The following CASK variants were observed in gnomAD, a reference collection of about 807,000 sequenced individuals.
The protein encoded by CASK is calcium/calmodulin dependent serine protein kinase, also known as peripheral plasma membrane protein CASK.
CASK carries 4 observed loss-of-function variants against 82.9 expected under a neutral mutation model. The ratio of observed to expected loss-of-function variants is 0.05; its 90% CI spans 0.02 to 0.11. The LOEUF (loss-of-function observed/expected upper bound fraction) is 0.11, where lower values mean the gene tolerates loss of function less well. CASK is among the 10% of genes least tolerant of loss of function. The pLI is 1.00. For missense variants in CASK, 358 were observed against 720.9 expected (o/e 0.50, Z 5.76); for synonymous variants, 259 against 253.5 (o/e 1.02, Z -0.20).
At chrX:41,696,122 G>A in intron 5 of CASK, 1 of 1,207,164 alleles carries the variant, frequency 8.3e-7, no homozygotes, top group Non-Finnish European at 1.1e-6. Context: ...TACAGCAACG[G>A]AAGGCAATAA....
chrX:41,788,964 GA>G (rs1389841862), intron 2 of CASK, among the ~76,000 whole-genome samples: 1 of 111,545 alleles, frequency 9.0e-6, no homozygotes, highest in African/African-American at 3.3e-5. Flanking sequence ...TGGAGAAACT[GA>G]GGCTTAGAAA....
At chrX:41,608,319 T>C (rs1338547411) in intron 12 of CASK, among the ~76,000 whole-genome samples, 1 of 112,372 alleles carries the variant, frequency 8.9e-6, no homozygotes, top group African/African-American at 3.2e-5. Context: ...CTAAAGAATG[T>C]AGCATTTCCC....
intron 1 of CASK, among the ~76,000 whole-genome samples, chrX:41,862,099 G>C (rs1367531399): frequency 1.8e-5 from 2 of 109,479 alleles, no homozygotes; most frequent in African/African-American, 6.6e-5. Context: ...ATGGTACTGA[G>C]AGAAGGCCTC....
At chrX:41,776,683 A>G (rs1166716605) in intron 3 of CASK, among the ~76,000 whole-genome samples, 1 of 112,269 alleles carries the variant, frequency 8.9e-6, no homozygotes, top group Non-Finnish European at 1.9e-5. Flanking sequence ...CTTACCCTAA[A>G]AACAAAATAC....
rs998943263 is a variant in CASK at position 41,553,562 on chromosome X, T to C, written c.2039+157A>G. Among the ~76,000 whole-genome samples, 3 of 111,236 alleles carry C rather than the reference T, an allele frequency of 2.7e-5. No individual in the cohort carries two copies. The Admixed American group carries it at 2.9e-4, about 11-fold the overall frequency. Reference sequence around the variant, plus strand: ...AGGATCTCACTAGATACTGAAGATATAGAATTCTTGGATGACTAATTTAAA... The same window carrying C: ...AGGATCTCACTAGATACTGAAGATACAGAATTCTTGGATGACTAATTTAAA... On this transcript the variant is annotated intron_variant, in intron 21 of 26. Coordinates refer to ENST00000378163, the MANE Select transcript of CASK (RefSeq NM_001367721.1).
At chrX:41,713,824 A>C (rs2068020768) in intron 5 of CASK, among the ~76,000 whole-genome samples, 1 of 111,682 alleles carries the variant, frequency 9.0e-6, no homozygotes. Context: ...GGGATGAATA[A>C]AGTGGAAATC....
In CASK at chrX:41,534,906, T is replaced by C; in HGVS notation, c.2223A>G (p.Thr741=). ...AATCAAACTTACCTAATAAGACTAG[T>C]GTTTTCCTCTTGAATGCTGGCAGTT... The part of the protein sequence containing the change: ...VVKLPAFKRK[T]LVLLGAHGVG... The change falls in exon 23 of 27, where the codon ACA becomes ACG. Residue 741 remains threonine, a synonymous_variant. Transcript: ENST00000378163. The C allele has an allele frequency of 8.4e-7, 1 of 1,193,160 alleles. No homozygotes were observed. Among genetic ancestry groups the C allele is most frequent in the Non-Finnish European group, 1.1e-6 (1 of 878,684 alleles).
intron 1 of CASK, among the ~76,000 whole-genome samples, chrX:41,892,207 A>C (rs965421987): frequency 8.1e-5 from 9 of 110,453 alleles, no homozygotes; most frequent in African/African-American, 3.0e-4. Flanking sequence ...AAAGACACAA[A>C]ATAGTTCAAC....
chrX:41,788,158 CA>C (rs372992298), intron 2 of CASK, among the ~76,000 whole-genome samples: 4,945 of 41,973 alleles, frequency 0.12, 144 homozygotes, highest in Non-Finnish European at 0.16. Context: ...AACTCTGTCT[CA>C]AAAAAAAAAA....
At chrX:41,690,325 A>C (rs1051649577) in intron 5 of CASK, among the ~76,000 whole-genome samples, 1 of 93,215 alleles carries the variant, frequency 1.1e-5, no homozygotes, top group Non-Finnish European at 2.1e-5. Context: ...TTAAAACAGA[A>C]TGTAATTGTG....
chrX:41,741,267 T>C (rs1293426502), intron 4 of CASK, among the ~76,000 whole-genome samples: 3 of 111,969 alleles, frequency 2.7e-5, no homozygotes, highest in Non-Finnish European at 1.9e-5. Flanking sequence ...TGTAACCCCT[T>C]GAAATGGCTA....
At chrX:41,815,445 C>T (rs969861268) in intron 2 of CASK, among the ~76,000 whole-genome samples, 1 of 110,478 alleles carries the variant, frequency 9.1e-6, no homozygotes, top group African/African-American at 3.3e-5. Flanking sequence ...TGAATATGCT[C>T]AAAGATTTAA....
intron 2 of CASK, among the ~76,000 whole-genome samples, chrX:41,818,278 G>T (rs2070454116): frequency 9.2e-6 from 1 of 109,200 alleles, no homozygotes; most frequent in Non-Finnish European, 1.9e-5. Flanking sequence ...GTAGAACAAA[G>T]TTGGGACACT....
At chrX:41,643,827 A>C (rs956121308) in intron 8 of CASK, among the ~76,000 whole-genome samples, 3 of 111,932 alleles carry the variant, frequency 2.7e-5, no homozygotes, top group Non-Finnish European at 5.6e-5. Flanking sequence ...AGGAGTGGTG[A>C]GAGAGGGCAT....
intron 3 of CASK, among the ~76,000 whole-genome samples, chrX:41,786,651 T>C (rs2069612720): frequency 9.0e-6 from 1 of 111,563 alleles, no homozygotes; most frequent in African/African-American, 3.3e-5. Flanking sequence ...ATGACCCAGT[T>C]GTACTATCCT....
intron 3 of CASK, among the ~76,000 whole-genome samples, chrX:41,760,262 C>T (rs1337773075): frequency 8.9e-6 from 1 of 112,171 alleles, no homozygotes; most frequent in Non-Finnish European, 1.9e-5. Flanking sequence ...ATCTCTAACA[C>T]TAAAGTGAGG....
chrX:41,526,562 A>AGT lies in CASK; in HGVS notation c.2521-2529_2521-2528insAC, dbSNP rs1470690278. 6.3e-5 allele frequency among the ~76,000 whole-genome samples: 7 copies of AGT among 111,735 alleles called. No homozygotes were observed. The East Asian group carries it at 2.0e-3, about 31-fold the overall frequency. On this transcript the variant is annotated intron_variant, in intron 25 of 26. Coordinates refer to ENST00000378163, the MANE Select transcript of CASK (RefSeq NM_001367721.1). Reference sequence around the variant, plus strand: ...TTGCCCATCTCTGCACTGCATTCACACCCTTGGTCTATATCCATAGACTGC... The same window carrying AGT: ...TTGCCCATCTCTGCACTGCATTCACAGTCCCTTGGTCTATATCCATAGACTGC...
At chrX:41,568,306 T>C (rs1203988139) in intron 16 of CASK, among the ~76,000 whole-genome samples, 1 of 109,060 alleles carries the variant, frequency 9.2e-6, no homozygotes, top group Non-Finnish European at 1.9e-5. Context: ...CATATAAAAA[T>C]TATTAAAAAT....
chrX:41,712,896 A>T (rs762158802), intron 5 of CASK, among the ~76,000 whole-genome samples: 1 of 111,291 alleles, frequency 9.0e-6, no homozygotes, highest in Admixed American at 9.5e-5. Context: ...GCATGAGAGG[A>T]CAGCTTTGAC....
Sources: gnomAD v4.1 joint callset for allele counts (sites outside exome capture counted in the v4.1 genomes callset) on GRCh38, gnomAD v4.1.1 for gene constraint, MANE v1.5 for transcripts, NCBI Gene and HGNC (gene_info 2026-07-23, HGNC 2026-07-21) for gene names.